TAFA2: variants seen among roughly 807,000 people sequenced by gnomAD.
TAFA2 encodes chemokine-like protein TAFA-2.
A neutral mutation model predicts 18.8 loss-of-function variants in TAFA2; 7 were observed. That is an observed-to-expected ratio of 0.37 (90% CI 0.21 to 0.70). TAFA2 has a LOEUF of 0.70. Ranked by LOEUF, TAFA2 falls within the 30% of genes least tolerant of loss-of-function variation. The pLI is 0.53. For synonymous variants in TAFA2, 60 were observed against 54.2 expected, an observed-to-expected ratio of 1.11 and a Z score of -0.47; for missense variants, 122 against 158.1, an observed-to-expected ratio of 0.77 and a Z score of 1.23.
chr12:62,103,719 C>A (rs911580941), intron 1 of TAFA2, among the ~76,000 whole-genome samples: 1 of 146,168 alleles, frequency 6.8e-6, no homozygotes. Context: ...CCAGCCTGGG[C>A]AACAAGCATG....
intron 1 of TAFA2, chr12:61,879,504 G>A (rs1418735751): frequency 1.6e-5 from 11 of 701,132 alleles, no homozygotes; most frequent in South Asian, 1.5e-4. Context: ...GTATTGGAGG[G>A]ATCACTGCTG....
chr12:61,997,345 G>A (rs1880231545), intron 1 of TAFA2, among the ~76,000 whole-genome samples: 1 of 152,038 alleles, frequency 6.6e-6, no homozygotes, highest in South Asian at 2.1e-4. Context: ...AGAATATCTG[G>A]GGGAAATAAT....
At chr12:62,068,467 C>T (rs1480226714) in intron 1 of TAFA2, among the ~76,000 whole-genome samples, 2 of 152,042 alleles carry the variant, frequency 1.3e-5, no homozygotes, top group South Asian at 2.1e-4. Context: ...TTTTGAAATG[C>T]TAAACATTAG....
At chr12:61,888,891 A>C (rs1165942854) in intron 1 of TAFA2, among the ~76,000 whole-genome samples, 1 of 152,192 alleles carries the variant, frequency 6.6e-6, no homozygotes, top group Non-Finnish European at 1.5e-5. Context: ...TTCAGAGCCT[A>C]TTTCTTATTC....
chr12:61,904,537 C>G (rs1482082579), intron 1 of TAFA2, among the ~76,000 whole-genome samples: 1 of 152,130 alleles, frequency 6.6e-6, no homozygotes, highest in Non-Finnish European at 1.5e-5. Context: ...TGATTTCAAA[C>G]AGTTTACAGC....
chr12:62,183,150 C>CTATAATAATA (rs2062562682), intron 1 of TAFA2, among the ~76,000 whole-genome samples: 1 of 152,050 alleles, frequency 6.6e-6, no homozygotes, highest in Non-Finnish European at 1.5e-5. Flanking sequence ...AAAGTGGAGC[C>CTATAATAATA]CTCATGAATA....
chr12:62,116,866 GTCTATTTGGCCACTTTTA>G (rs1179975177), intron 1 of TAFA2, among the ~76,000 whole-genome samples: 1 of 152,168 alleles, frequency 6.6e-6, no homozygotes, highest in Non-Finnish European at 1.5e-5. Context: ...AAATGAGGTT[GTCTATTTGGCCACTTTTA>G]TCTATTTGGC....
rs1434694558 is a variant in TAFA2 at position 62,123,685 on chromosome 12, TCTCACA to T, written c.-2+67568_-2+67573del. On this transcript the variant is annotated intron_variant, in intron 1 of 4. Transcript: ENST00000416284. ...TTCTTCATTCTACTTTCTCCCTCTC[TCTCACA>T]CACACACACACATACATTCTGAACC... 1.4e-3 allele frequency among the ~76,000 whole-genome samples: 9 copies of T among 6,470 alleles called. No homozygotes were observed. The Non-Finnish European group carries it at 0.064, about 46-fold the overall frequency. The allele number at this position is 6,470 out of a possible 152,430, so 4.2% of individuals were successfully genotyped here.
chr12:61,731,728 AT>A (rs1230206416), intron 4 of TAFA2, among the ~76,000 whole-genome samples: 1 of 152,134 alleles, frequency 6.6e-6, no homozygotes, highest in African/African-American at 2.4e-5. Context: ...AATTATCATT[AT>A]CCCCAGTTTA....
chr12:62,216,724 A>T (rs1490667866), intron 1 of TAFA2, among the ~76,000 whole-genome samples: 2 of 152,244 alleles, frequency 1.3e-5, no homozygotes, highest in African/African-American at 4.8e-5. Context: ...CACTTGAAAC[A>T]GATAGGTGTA....
At chr12:62,031,076 G>A (rs1449069052) in intron 1 of TAFA2, among the ~76,000 whole-genome samples, 1 of 152,120 alleles carries the variant, frequency 6.6e-6, no homozygotes, top group Non-Finnish European at 1.5e-5. Context: ...AAGCTCCATG[G>A]TAAAGGAGTC....
chr12:62,131,384 G>A (rs1166106978), intron 1 of TAFA2, among the ~76,000 whole-genome samples: 1 of 151,968 alleles, frequency 6.6e-6, no homozygotes, highest in Admixed American at 6.6e-5. Context: ...GCTGGATGCC[G>A]GGGCAGCGGG....
At chr12:62,070,610 G>C (rs1361834337) in intron 1 of TAFA2, 3 of 152,090 alleles carry the variant, frequency 2.0e-5, no homozygotes, top group Non-Finnish European at 4.4e-5. Context: ...AGTTCAGAGT[G>C]ATCTGATAAC....
At chr12:61,991,652 T>C (rs1157143870) in intron 1 of TAFA2, among the ~76,000 whole-genome samples, 1 of 152,166 alleles carries the variant, frequency 6.6e-6, no homozygotes. Context: ...TAAAAAAACT[T>C]TTTTGATCTT....
At chr12:62,146,793 T>A (rs1474610763) in intron 1 of TAFA2, among the ~76,000 whole-genome samples, 2 of 152,178 alleles carry the variant, frequency 1.3e-5, no homozygotes, top group East Asian at 1.9e-4. Flanking sequence ...ATACACCTGA[T>A]AAAAATTAAT....
intron 2 of TAFA2, among the ~76,000 whole-genome samples, chr12:61,855,921 A>G (rs1225323250): frequency 2.0e-5 from 3 of 152,162 alleles, no homozygotes; most frequent in Non-Finnish European, 2.9e-5. Context: ...AAAAGCATCA[A>G]AGACAAAATA....
chr12:61,865,828 A>G lies in TAFA2; in HGVS notation c.106+1492T>C, dbSNP rs149186361. 1.5e-4 allele frequency among the ~76,000 whole-genome samples: 23 copies of G among 152,138 alleles called. No homozygotes were observed. In the East Asian group the frequency reaches 4.1e-3, roughly 27 times the overall value. On this transcript the variant is annotated intron_variant, in intron 2 of 4. Coordinates refer to ENST00000416284, the MANE Select transcript of TAFA2 (RefSeq NM_178539.5). Reference sequence around the variant, plus strand: ...AAGCCCACAATTTCTATGATCCCCCACTCCTCCAATTCTTCTTTCATAAGC... The same window carrying G: ...AAGCCCACAATTTCTATGATCCCCCGCTCCTCCAATTCTTCTTTCATAAGC...
rs1003273882 is a variant in TAFA2, at chr12:61,986,672, A to C, written c.-1-119246T>G. 2.4e-4 allele frequency among the ~76,000 whole-genome samples: 36 copies of C among 150,574 alleles called. 1 individual carries two copies. Among genetic ancestry groups the C allele is most frequent in the African/African-American group, 8.5e-4 (35 of 41,234 alleles). On this transcript the variant is annotated intron_variant, in intron 1 of 4. Coordinates refer to ENST00000416284, the MANE Select transcript of TAFA2 (RefSeq NM_178539.5). The stretch of plus-strand genomic sequence containing the variant: ...ACTTAGTTAAAAAAAAAAAAAAATC[A>C]CTTAAACTGTTCAATAATCAAACTC...
intron 1 of TAFA2, among the ~76,000 whole-genome samples, chr12:61,965,492 G>A (rs566066064): frequency 1.3e-5 from 2 of 151,912 alleles, no homozygotes; most frequent in Non-Finnish European, 2.9e-5. Context: ...GAATCTGTGC[G>A]AGTATGCAGT....
Sources: gnomAD v4.1 joint callset for allele counts (sites outside exome capture counted in the v4.1 genomes callset) on GRCh38, gnomAD v4.1.1 for gene constraint, MANE v1.5 for transcripts, NCBI Gene and HGNC (gene_info 2026-07-23, HGNC 2026-07-21) for gene names.